KDSR: variants seen among roughly 807,000 people sequenced by gnomAD.
KDSR encodes the protein 3-dehydrosphinganine reductase.
In KDSR, 23 loss-of-function variants were observed where a neutral mutation model predicts 41.3. The observed-to-expected ratio is 0.56, with a 90% confidence interval of 0.40 to 0.79. The LOEUF (loss-of-function observed/expected upper bound fraction) is 0.79. Ranked by LOEUF, KDSR falls within the 30% of genes least tolerant of loss-of-function variation. The pLI, the probability that KDSR is intolerant of heterozygous loss-of-function variation, is 0.00. For missense variants in KDSR, 351 were observed against 416.8 expected (o/e 0.84, Z 1.37); for synonymous variants, 138 against 151.7 (o/e 0.91, Z 0.66).
In KDSR at chr18:63,331,606, C is replaced by G; in HGVS notation, c.*176G>C. On this transcript the variant is annotated 3_prime_UTR_variant, in exon 10 of 10. Coordinates refer to ENST00000645214, the MANE Select transcript of KDSR (RefSeq NM_002035.4). ...CCATATTTGCATAGTATTAATAATA[C>G]TGTCAGGAGGTGAACTTCTAGCCCC... 4 of 555,318 alleles carry G rather than the reference C, an allele frequency of 7.2e-6. No homozygotes were observed. The highest frequency in any genetic ancestry group is 5.3e-5 in the South Asian group (2 of 37,812). The allele number at this position is 555,318 out of a possible 1,614,324, so 34.4% of individuals were successfully genotyped here.
At chr18:63,355,333 C>CA in intron 4 of KDSR, 34 bp from the exon 5 acceptor site, 1 of 1,606,318 alleles carries the variant, frequency 6.2e-7, no homozygotes, top group Non-Finnish European at 8.5e-7. Context: ...CATTAAGAAA[C>CA]AGAGAAGAAA....
intron 5 of KDSR, among the ~76,000 whole-genome samples, chr18:63,353,616 T>C (rs1380916540): frequency 5.3e-5 from 8 of 152,078 alleles, no homozygotes; most frequent in Non-Finnish European, 1.2e-4. Context: ...CTAAACAGAA[T>C]GTGGTCGATC....
chr18:63,344,243 A>ACC (rs1914431472), intron 7 of KDSR, 167 bp downstream of exon 7: 2 of 539,708 alleles, frequency 3.7e-6, no homozygotes, highest in Non-Finnish European at 6.7e-6. Context: ...GAGGAAGGAA[A>ACC]GAAGGAATAT....
chr18:63,335,480 G>A, intron 8 of KDSR, 122 bp from the exon 9 acceptor site: 2 of 685,052 alleles, frequency 2.9e-6, no homozygotes, highest in Non-Finnish European at 5.1e-6. Flanking sequence ...TGGTCACAAA[G>A]CATTGATCAG....
intron 5 of KDSR, among the ~76,000 whole-genome samples, chr18:63,351,360 A>T (rs1914658303): frequency 6.6e-6 from 1 of 152,242 alleles, no homozygotes. Flanking sequence ...AACTGGTCAA[A>T]GTTAGTTTTC....
chr18:63,350,041 C>T (rs1830865000), intron 6 of KDSR, among the ~76,000 whole-genome samples: 1 of 152,218 alleles, frequency 6.6e-6, no homozygotes, highest in Admixed American at 6.5e-5. Flanking sequence ...CTCTTCTGGG[C>T]TCTTAACATT....
chr18:63,332,463 CA>C (rs1282552591), intron 9 of KDSR, among the ~76,000 whole-genome samples: 1 of 152,120 alleles, frequency 6.6e-6, no homozygotes, highest in Non-Finnish European at 1.5e-5. Flanking sequence ...TTTGACCTCC[CA>C]AACTCAAAGG....
At chr18:63,335,448 G>A (rs879008336) in intron 8 of KDSR, 90 bp from the exon 9 acceptor site, 22 of 871,384 alleles carry the variant, frequency 2.5e-5, no homozygotes, top group African/African-American at 1.2e-4. Flanking sequence ...GAGTGTGCTC[G>A]TTCACTTTAA....
intron 7 of KDSR, among the ~76,000 whole-genome samples, chr18:63,340,261 T>A (rs1483361773): frequency 1.3e-5 from 2 of 152,242 alleles, no homozygotes; most frequent in African/African-American, 4.8e-5. Flanking sequence ...GCAAAGCTGC[T>A]TAGAAGATCT....
intron 5 of KDSR, among the ~76,000 whole-genome samples, chr18:63,354,330 A>G (rs959689370): frequency 1.3e-5 from 2 of 152,094 alleles, no homozygotes; most frequent in African/African-American, 2.4e-5. Flanking sequence ...AAAGGAAGAA[A>G]AAGATTGTTG....
intron 6 of KDSR, among the ~76,000 whole-genome samples, chr18:63,347,147 T>A (rs1425390192): frequency 6.6e-6 from 1 of 151,966 alleles, no homozygotes; most frequent in Non-Finnish European, 1.5e-5. Flanking sequence ...CATCCTACTA[T>A]TACTTCTTCC....
At chr18:63,353,695 C>T (rs188714677) in intron 5 of KDSR, among the ~76,000 whole-genome samples, 1 of 152,150 alleles carries the variant, frequency 6.6e-6, no homozygotes, top group Non-Finnish European at 1.5e-5. Flanking sequence ...GTGGATGAGC[C>T]TCAAAAACTG....
intron 7 of KDSR, among the ~76,000 whole-genome samples, chr18:63,342,931 TACTG>T (rs1179702777): frequency 1.3e-5 from 2 of 152,168 alleles, no homozygotes; most frequent in African/African-American, 4.8e-5. Flanking sequence ...ATTCTCGTGA[TACTG>T]AGTGAGTTCT....
intron 3 of KDSR, among the ~76,000 whole-genome samples, chr18:63,357,479 A>T (rs1404658367): frequency 6.6e-6 from 1 of 150,536 alleles, no homozygotes. Flanking sequence ...CAGTAAAAAA[A>T]AAAAAATTTA....
rs1913945433 is a variant in KDSR at position 63,330,411 on chromosome 18, G to A, written c.*1371C>T. ...CAATGAGCAGGATGCAACGGGGAAT[G>A]TTGGCTAAAACTCATCAGAGGCACT... On this transcript the variant is annotated 3_prime_UTR_variant, in exon 10 of 10. Coordinates refer to ENST00000645214, the MANE Select transcript of KDSR (RefSeq NM_002035.4). The A allele has an allele frequency of 4.4e-6, 1 of 229,264 alleles. No homozygotes were observed. The highest frequency in any genetic ancestry group is 2.2e-5 in the African/African-American group (1 of 45,126). 14.2% of individuals were successfully genotyped at this position (229,264 alleles called of 1,614,324 possible).
intron 9 of KDSR, among the ~76,000 whole-genome samples, chr18:63,334,350 A>C: frequency 8.4e-6 from 1 of 119,244 alleles, no homozygotes; most frequent in East Asian, 2.3e-4. Flanking sequence ...CTGCACTACT[A>C]TCTTTTTTTT....
At chr18:63,361,209 C>CAA (rs71162630) in intron 2 of KDSR, among the ~76,000 whole-genome samples, 179 of 15,504 alleles carry the variant, frequency 0.012, 26 homozygotes, top group African/African-American at 0.023. Context: ...AACTCCGTCT[C>CAA]AAAAAAAAAA....
Position 63,350,797 on chromosome 18 carries a change from C to T in KDSR, c.609+91G>A, listed in dbSNP as rs533621939. 575 of 952,240 alleles carry T rather than the reference C, an allele frequency of 6.0e-4. 1 individual carries two copies. Among genetic ancestry groups the T allele is most frequent in the Non-Finnish European group, 8.3e-4 (538 of 646,808 alleles). 59.0% of individuals were successfully genotyped at this position (952,240 alleles called of 1,614,324 possible). A position where few individuals can be genotyped will look rare whatever the true frequency, so the allele number is the denominator to read the frequency against. ...AAACCTAAAAATCTCTAATTTAATA[C>T]AACAACACATGTAAAGAAGCTATAA... On this transcript the variant is annotated intron_variant, in intron 6 of 9. Coordinates refer to ENST00000645214, the MANE Select transcript of KDSR (RefSeq NM_002035.4).
chr18:63,356,337 T>G (rs559201332), intron 3 of KDSR, among the ~76,000 whole-genome samples: 1 of 151,440 alleles, frequency 6.6e-6, no homozygotes, highest in East Asian at 1.9e-4. Context: ...AGATAGAGGC[T>G]GCAGTCAGCT....
Sources: gnomAD v4.1 joint callset for allele counts (sites outside exome capture counted in the v4.1 genomes callset) on GRCh38, gnomAD v4.1.1 for gene constraint, MANE v1.5 for transcripts, NCBI Gene and HGNC (gene_info 2026-07-23, HGNC 2026-07-21) for gene names.